Variants in PSG5 observed in about 807,000 individuals in gnomAD.
The protein encoded by PSG5 is pregnancy-specific beta-1-glycoprotein 5.
A neutral mutation model predicts 37.7 loss-of-function variants in PSG5; 53 were observed. That is an observed-to-expected ratio of 1.41 (90% CI 1.13 to 1.77). PSG5 has a LOEUF of 1.77. Among genes scored for constraint, PSG5 ranks in the 40% most tolerant of loss-of-function variants. The pLI, the probability that PSG5 is intolerant of heterozygous loss-of-function variation, is 0.00. For missense variants in PSG5, 547 were observed against 405.2 expected (o/e 1.35, Z -3.00); for synonymous variants, 221 against 155.4 (o/e 1.42, Z -3.14).
intron 1 of PSG5, among the ~76,000 whole-genome samples, chr19:43,185,759 G>C (rs1966922170): frequency 6.6e-6 from 1 of 151,432 alleles, no homozygotes; most frequent in Non-Finnish European, 1.5e-5. Flanking sequence ...CCCAATTGTT[G>C]AGGATTTTGC....
At position 43,179,647 on chromosome 19, in the gene PSG5, G is replaced by A. The variant is rs368416580; in HGVS notation, c.431-3499C>T. Among the ~76,000 whole-genome samples the A allele has an allele frequency of 4.3e-4, 66 of 151,766 alleles. 1 individual carries two copies. In the South Asian group the frequency reaches 4.8e-3, roughly 11 times the overall value. On this transcript the variant is annotated intron_variant, in intron 2 of 5. Coordinates refer to ENST00000342951, the MANE Select transcript of PSG5 (RefSeq NM_002781.4). ...AACCCTTTGGGTACTGGAAAGCCTG[G>A]CCTGGGACTGGGTACTTCAGCATAA...
At chr19:43,171,568 T>A in intron 4 of PSG5, 1 of 421,228 alleles carries the variant, frequency 2.4e-6, no homozygotes, top group Non-Finnish European at 4.0e-6. Flanking sequence ...ATAGAGGAAA[T>A]TAATGAAACC....
chr19:43,183,896 A>G (rs953887224), intron 2 of PSG5, among the ~76,000 whole-genome samples: 2 of 141,042 alleles, frequency 1.4e-5, no homozygotes, highest in African/African-American at 5.5e-5. Flanking sequence ...AAATAAGCTA[A>G]GTGGCAAATG....
chr19:43,184,601 G>A (rs1969202428), intron 2 of PSG5, among the ~76,000 whole-genome samples, 181 bp downstream of exon 2: 1 of 151,508 alleles, frequency 6.6e-6, no homozygotes, highest in African/African-American at 2.4e-5. Flanking sequence ...ATGCGGGAAA[G>A]GAATTCTGAT....
chr19:43,181,266 T>A (rs1475902181), intron 2 of PSG5, among the ~76,000 whole-genome samples: 2 of 151,676 alleles, frequency 1.3e-5, no homozygotes, highest in African/African-American at 2.4e-5. Context: ...CTACAAAATT[T>A]AAAAATTGCT....
chr19:43,170,464 T>A (rs933679495), intron 4 of PSG5: 7 of 446,278 alleles, frequency 1.6e-5, no homozygotes, highest in Non-Finnish European at 2.6e-5. Flanking sequence ...GTTGCATCTT[T>A]TTCTCAGTCT....
chr19:43,170,828 T>A (rs1968890709), intron 4 of PSG5: 1 of 152,416 alleles, frequency 6.6e-6, no homozygotes, highest in Non-Finnish European at 1.5e-5. Context: ...ACAGGTGTCC[T>A]CCCTGATAAA....
intron 1 of PSG5, among the ~76,000 whole-genome samples, 184 bp from the exon 2 acceptor site, chr19:43,185,331 CCTA>C (rs1310087176): frequency 2.6e-5 from 4 of 151,046 alleles, no homozygotes; most frequent in African/African-American, 9.8e-5. Flanking sequence ...GTCCTACTGT[CCTA>C]CTAGGTCAAG....
At chr19:43,169,142 T>C (rs1458327095) in intron 5 of PSG5, among the ~76,000 whole-genome samples, 1 of 151,718 alleles carries the variant, frequency 6.6e-6, no homozygotes, top group Non-Finnish European at 1.5e-5. Context: ...TCTGATTTCT[T>C]GTGGCATTCA....
At chr19:43,168,302 G>A in intron 5 of PSG5, 99 bp from the exon 6 acceptor site, 1 of 343,178 alleles carries the variant, frequency 2.9e-6, no homozygotes, top group Non-Finnish European at 5.4e-6. Context: ...TTACTTCTGT[G>A]GCATATGACA....
intron 2 of PSG5, chr19:43,178,771 G>T: frequency 6.2e-7 from 1 of 1,606,622 alleles, no homozygotes; most frequent in Non-Finnish European, 8.5e-7. Flanking sequence ...TTGATGTCCA[G>T]GGGTAAAGGT....
intron 1 of PSG5, among the ~76,000 whole-genome samples, chr19:43,185,554 C>A (rs1317952413): frequency 6.6e-6 from 1 of 151,052 alleles, no homozygotes; most frequent in East Asian, 1.9e-4. Flanking sequence ...CTGCTCCCTC[C>A]AGGGTTCTTG....
At chr19:43,174,759 G>T (rs1043844849) in intron 4 of PSG5, 36 of 1,135,156 alleles carry the variant, frequency 3.2e-5, no homozygotes, top group Non-Finnish European at 3.3e-5. Flanking sequence ...AGTCTGAGCT[G>T]CTCCTCCCTC....
rs1386863474 is a variant in PSG5, at chr19:43,178,803, G to A, written c.431-2655C>T. The A allele has an allele frequency of 1.6e-5, 26 of 1,610,348 alleles. 2 individuals carry two copies. In the Admixed American group the frequency reaches 4.2e-4, roughly 26 times the overall value. ...AGGTCTCTGTACTTGGACCTGAGAG[G>A]GACTGAGAGGCCTGGCCTCTGGCCA... On this transcript the variant is annotated intron_variant, in intron 2 of 5. Coordinates refer to ENST00000342951, the MANE Select transcript of PSG5 (RefSeq NM_002781.4).
intron 2 of PSG5, among the ~76,000 whole-genome samples, chr19:43,178,578 C>G (rs1429717780): frequency 6.6e-5 from 10 of 151,758 alleles, no homozygotes; most frequent in African/African-American, 1.9e-4. Context: ...CAAGTCGCAA[C>G]ACTGAAGTCC....
chr19:43,169,357 A>G (rs1319357825), intron 5 of PSG5, among the ~76,000 whole-genome samples: 2 of 151,570 alleles, frequency 1.3e-5, no homozygotes, highest in Admixed American at 6.6e-5. Flanking sequence ...TCCGTTCTCC[A>G]TGAGGTCAGA....
chr19:43,179,147 G>C, intron 2 of PSG5: 1 of 1,593,074 alleles, frequency 6.3e-7, no homozygotes, highest in Non-Finnish European at 8.6e-7. Flanking sequence ...TGGAGGGCTT[G>C]GGAGTTTCCA....
At chr19:43,176,249 A>T in intron 2 of PSG5, 101 bp from the exon 3 acceptor site, 3 of 1,537,720 alleles carry the variant, frequency 2.0e-6, no homozygotes, top group East Asian at 4.5e-5. Flanking sequence ...TCAACCCACC[A>T]GAGTCCTTGA....
At position 43,183,280 on chromosome 19, in the gene PSG5, G is replaced by A. The variant is rs926718524; in HGVS notation, c.430+1502C>T. ...GGTGGCTTTAGGGGCAAGAGGTAGTGGGGGGATGAAACATGGATGTCAGCC... is the reference window on the plus strand; with the variant it reads ...GGTGGCTTTAGGGGCAAGAGGTAGTAGGGGGATGAAACATGGATGTCAGCC... On this transcript the variant is annotated intron_variant, in intron 2 of 5. Coordinates refer to ENST00000342951, the MANE Select transcript of PSG5 (RefSeq NM_002781.4). 53 of 364,054 alleles carry A rather than the reference G, an allele frequency of 1.5e-4. 1 individual carries two copies. Among genetic ancestry groups the A allele is most frequent in the Non-Finnish European group, 2.0e-4 (36 of 181,574 alleles). The allele number at this position is 364,054 out of a possible 1,614,324, so 22.6% of individuals were successfully genotyped here.
Sources: gnomAD v4.1 joint callset for allele counts (sites outside exome capture counted in the v4.1 genomes callset) on GRCh38, gnomAD v4.1.1 for gene constraint, MANE v1.5 for transcripts, NCBI Gene and HGNC (gene_info 2026-07-23, HGNC 2026-07-21) for gene names.